ALCAM: variants seen among roughly 807,000 people sequenced by gnomAD.
ALCAM encodes the protein CD166 antigen.
Under a neutral mutation model 70.9 loss-of-function variants are expected in ALCAM, and 30 were observed. The ratio of observed to expected loss-of-function variants is 0.42; its 90% CI spans 0.32 to 0.57. The LOEUF (loss-of-function observed/expected upper bound fraction) is 0.57. ALCAM is among the 20% of genes least tolerant of loss of function. The probability of loss-of-function intolerance (pLI) is 0.11; values close to 1 mark genes in which losing one functional copy is unlikely to be tolerated. For synonymous variants in ALCAM, 249 were observed against 242.5 expected (o/e 1.03, Z -0.25); for missense variants, 591 against 695.1 (o/e 0.85, Z 1.68).
intron 1 of ALCAM, among the ~76,000 whole-genome samples, chr3:105,506,585 T>G (rs1559814846): frequency 6.6e-6 from 1 of 152,202 alleles, no homozygotes; most frequent in Non-Finnish European, 1.5e-5. Context: ...ATTCCTTTAA[T>G]GAGTAGGAAC....
At chr3:105,558,787 G>A (rs1344103686) in intron 14 of ALCAM, among the ~76,000 whole-genome samples, 1 of 152,166 alleles carries the variant, frequency 6.6e-6, no homozygotes, top group African/African-American at 2.4e-5. Flanking sequence ...AATTTGGTGA[G>A]TCCCTGCATG....
intron 1 of ALCAM, among the ~76,000 whole-genome samples, chr3:105,447,440 T>A (rs1162365333): frequency 6.6e-6 from 1 of 152,204 alleles, no homozygotes; most frequent in African/African-American, 2.4e-5. Flanking sequence ...GGTTCTCACC[T>A]GTAATCTCAG....
At chr3:105,539,938 G>T in intron 6 of ALCAM, 37 bp from the exon 7 acceptor site, 1 of 1,607,174 alleles carries the variant, frequency 6.2e-7, no homozygotes, top group South Asian at 1.1e-5. Context: ...TTCGGTACTT[G>T]ACAAAAATGG....
At chr3:105,426,528 A>T (rs1030778449) in intron 1 of ALCAM, among the ~76,000 whole-genome samples, 2 of 151,890 alleles carry the variant, frequency 1.3e-5, no homozygotes, top group Non-Finnish European at 2.9e-5. Flanking sequence ...TCTTCTAGCT[A>T]TTTTAAAATA....
intron 1 of ALCAM, among the ~76,000 whole-genome samples, chr3:105,417,642 TCTC>T (rs1311926319): frequency 6.6e-6 from 1 of 151,772 alleles, no homozygotes; most frequent in African/African-American, 2.4e-5. Context: ...ATAATTATAG[TCTC>T]CTCATTATTC....
At chr3:105,527,970 A>T (rs1939749194) in intron 3 of ALCAM, among the ~76,000 whole-genome samples, 1 of 152,158 alleles carries the variant, frequency 6.6e-6, no homozygotes, top group Non-Finnish European at 1.5e-5. Context: ...TCTACACCAG[A>T]TATTTCATTT....
intron 1 of ALCAM, among the ~76,000 whole-genome samples, chr3:105,434,332 G>C (rs1361802149): frequency 6.6e-6 from 1 of 151,986 alleles, no homozygotes; most frequent in Non-Finnish European, 1.5e-5. Flanking sequence ...TATAATATTG[G>C]GGGAAATTTC....
At chr3:105,385,037 A>G (rs1935615018) in intron 1 of ALCAM, among the ~76,000 whole-genome samples, 1 of 151,578 alleles carries the variant, frequency 6.6e-6, no homozygotes, top group Non-Finnish European at 1.5e-5. Context: ...TACTTGAAAA[A>G]ATGTCACCCA....
chr3:105,548,936 T>C (rs142856793), intron 11 of ALCAM, among the ~76,000 whole-genome samples: 101 of 151,480 alleles, frequency 6.7e-4, no homozygotes, highest in African/African-American at 2.4e-3. Flanking sequence ...AATACAGACA[T>C]AGAAAACAGA....
At chr3:105,523,139 CAAAAAAAAAAAAAA>C (rs59478384) in intron 2 of ALCAM, among the ~76,000 whole-genome samples, 57 of 87,020 alleles carry the variant, frequency 6.6e-4, no homozygotes, top group Admixed American at 9.6e-4. Context: ...GACTCCGTCT[CAAAAAAAAAAAAAA>C]AAAAAAAAAA....
intron 1 of ALCAM, among the ~76,000 whole-genome samples, chr3:105,437,000 C>T (rs1375646645): frequency 6.6e-6 from 1 of 152,128 alleles, no homozygotes; most frequent in East Asian, 1.9e-4. Context: ...GAAGTGTTAC[C>T]ATGTGTCCTG....
chr3:105,376,008 A>G (rs1935366300), intron 1 of ALCAM, among the ~76,000 whole-genome samples: 1 of 152,180 alleles, frequency 6.6e-6, no homozygotes, highest in Admixed American at 6.5e-5. Flanking sequence ...TTGAATAAGA[A>G]TACTTTCACT....
chr3:105,525,384 CAAAT>C (rs1346932687), intron 3 of ALCAM: 12 of 976,388 alleles, frequency 1.2e-5, no homozygotes, highest in African/African-American at 1.8e-5. Context: ...TTTTAAAACT[CAAAT>C]AAAAAGTCCC....
At chr3:105,505,164 T>G (rs1277871730) in intron 1 of ALCAM, among the ~76,000 whole-genome samples, 3 of 152,216 alleles carry the variant, frequency 2.0e-5, no homozygotes, top group African/African-American at 7.2e-5. Flanking sequence ...TATATGTATA[T>G]GTTGTATTAG....
At chr3:105,492,521 A>G (rs1303105475) in intron 1 of ALCAM, among the ~76,000 whole-genome samples, 1 of 152,202 alleles carries the variant, frequency 6.6e-6, no homozygotes. Flanking sequence ...ATTAGGAGTG[A>G]TTTCTCTGAC....
At chr3:105,565,904 G>C (rs1383971406) in intron 14 of ALCAM, among the ~76,000 whole-genome samples, 3 of 152,152 alleles carry the variant, frequency 2.0e-5, no homozygotes, top group Non-Finnish European at 4.4e-5. Context: ...TTCCAGCCAA[G>C]TATGATTTCT....
rs890434111 is a variant in ALCAM at position 105,552,286 on chromosome 3, A to T, written c.1546+104A>T. 24 of 1,333,530 alleles carry T rather than the reference A, an allele frequency of 1.8e-5. No homozygotes were observed. In the African/African-American group the frequency reaches 2.4e-4, roughly 13 times the overall value. 82.6% of individuals were successfully genotyped at this position (1,333,530 alleles called of 1,614,324 possible). A position where few individuals can be genotyped will look rare whatever the true frequency, so the allele number is the denominator to read the frequency against. On this transcript the variant is annotated intron_variant, in intron 13 of 15. Transcript: ENST00000306107. The stretch of plus-strand genomic sequence containing the variant: ...TTAGCTGTCCACAATTTTGACTTGA[A>T]TTAAAATACCAAAGACAAGATAGTA...
At position 105,575,014 on chromosome 3, in the gene ALCAM, G is replaced by T. The variant is rs1396329123; in HGVS notation, c.*563G>T. 6.6e-6 allele frequency: 1 copy of T among 152,404 alleles called. No individual in the cohort carries two copies. Among genetic ancestry groups the T allele is most frequent in the Non-Finnish European group, 1.5e-5 (1 of 68,010 alleles). The allele number at this position is 152,404 out of a possible 1,614,324, so 9.4% of individuals were successfully genotyped here. A position where few individuals can be genotyped will look rare whatever the true frequency, so the allele number is the denominator to read the frequency against. On this transcript the variant is annotated 3_prime_UTR_variant, in exon 16 of 16. Transcript: ENST00000306107. Reference sequence around the variant, plus strand: ...ACTGTGATTTTTATCACAAGGGAGGGGAGGCCGAGAGTCAGACTGATAGAC... The same window carrying T: ...ACTGTGATTTTTATCACAAGGGAGGTGAGGCCGAGAGTCAGACTGATAGAC...
intron 1 of ALCAM, among the ~76,000 whole-genome samples, chr3:105,395,238 A>C (rs906598917): frequency 6.6e-6 from 1 of 151,976 alleles, no homozygotes; most frequent in African/African-American, 2.4e-5. Flanking sequence ...TTTAGTGACC[A>C]CAATGGAATA....
Sources: allele counts gnomAD v4.1 joint callset (sites outside exome capture counted in the v4.1 genomes callset), GRCh38; gene constraint gnomAD v4.1.1; transcripts MANE v1.5; gene names NCBI Gene and HGNC (gene_info 2026-07-23, HGNC 2026-07-21).